The following MICU1 variants were observed in gnomAD, a reference collection of about 807,000 sequenced individuals.
The protein encoded by MICU1 is mitochondrial calcium uptake 1, also known as calcium uptake protein 1, mitochondrial.
A neutral mutation model predicts 56.8 loss-of-function variants in MICU1; 45 were observed. The ratio of observed to expected loss-of-function variants is 0.79; its 90% CI spans 0.62 to 1.02. MICU1 has a LOEUF of 1.02. Ranked by LOEUF, MICU1 falls within the 50% of genes least tolerant of loss-of-function variation. The probability of loss-of-function intolerance (pLI) is 0.00; values close to 1 mark genes in which losing one functional copy is unlikely to be tolerated. For synonymous variants in MICU1, 186 were observed against 195.1 expected (o/e 0.95, Z 0.39); for missense variants, 504 against 587.1 (o/e 0.86, Z 1.46).
At chr10:72,536,735 A>G (rs1311422176) in intron 4 of MICU1, among the ~76,000 whole-genome samples, 1 of 152,252 alleles carries the variant, frequency 6.6e-6, no homozygotes, top group Non-Finnish European at 1.5e-5. Flanking sequence ...ATATCCAAAT[A>G]GTATCATTTT....
At chr10:72,489,753 C>T (rs1866592960) in intron 6 of MICU1, among the ~76,000 whole-genome samples, 1 of 152,124 alleles carries the variant, frequency 6.6e-6, no homozygotes, top group Admixed American at 6.5e-5. Context: ...AATGTGAAAT[C>T]CTCAACAACA....
chr10:72,503,943 T>C (rs1424504527), intron 6 of MICU1, among the ~76,000 whole-genome samples: 1 of 151,662 alleles, frequency 6.6e-6, no homozygotes, highest in Non-Finnish European at 1.5e-5. Context: ...GAAAGATCTC[T>C]ACAAGGAGAA....
At chr10:72,500,261 CATAT>C (rs869065639) in intron 6 of MICU1, among the ~76,000 whole-genome samples, 380 of 28,634 alleles carry the variant, frequency 0.013, 1 homozygote, top group South Asian at 0.02. Context: ...TACATACATA[CATAT>C]ATATATATAT....
intron 10 of MICU1, among the ~76,000 whole-genome samples, chr10:72,378,431 CCT>C (rs1177796438): frequency 6.6e-6 from 1 of 152,090 alleles, no homozygotes; most frequent in Non-Finnish European, 1.5e-5. Context: ...GCACCTCCCA[CCT>C]CTCTCTCTTC....
chr10:72,500,694 T>C (rs186052708), intron 6 of MICU1, among the ~76,000 whole-genome samples: 155 of 152,288 alleles, frequency 1.0e-3, no homozygotes, highest in Admixed American at 3.5e-3. Context: ...ACAGGGTTAA[T>C]AACTTTAGAT....
intron 4 of MICU1, among the ~76,000 whole-genome samples, chr10:72,537,437 T>A (rs971095879): frequency 2.6e-5 from 4 of 152,242 alleles, no homozygotes; most frequent in Admixed American, 6.5e-5. Flanking sequence ...GACTTCCATA[T>A]GACATTTCCC....
chr10:72,561,412 T>TC (rs1273996863), intron 3 of MICU1, among the ~76,000 whole-genome samples: 2 of 152,228 alleles, frequency 1.3e-5, no homozygotes, highest in African/African-American at 4.8e-5. Context: ...AATAAATGTA[T>TC]CCTGACAGAA....
chr10:72,476,292 G>A (rs1417891250), intron 7 of MICU1, among the ~76,000 whole-genome samples: 1 of 149,374 alleles, frequency 6.7e-6, no homozygotes, highest in African/African-American at 2.5e-5. Flanking sequence ...GCAATGGCAC[G>A]ATCATAGCTC....
intron 3 of MICU1, among the ~76,000 whole-genome samples, chr10:72,559,945 G>T (rs879839255): frequency 6.6e-6 from 1 of 152,140 alleles, no homozygotes. Flanking sequence ...GGTTGTGTGC[G>T]TTATGAGAAT....
At chr10:72,446,424 G>A (rs772820469) in intron 8 of MICU1, among the ~76,000 whole-genome samples, 24 of 151,384 alleles carry the variant, frequency 1.6e-4, no homozygotes, top group Admixed American at 7.9e-4. Flanking sequence ...TCCACCTCTC[G>A]GGTTCCAGTG....
chr10:72,576,944 C>T (rs574046000), intron 1 of MICU1, among the ~76,000 whole-genome samples: 3 of 152,308 alleles, frequency 2.0e-5, no homozygotes, highest in African/African-American at 7.2e-5. Flanking sequence ...AAATGCCCAT[C>T]AACCAACAAG....
chr10:72,565,624 A>C (rs1322471276), intron 2 of MICU1, among the ~76,000 whole-genome samples: 1 of 132,528 alleles, frequency 7.5e-6, no homozygotes, highest in Admixed American at 7.6e-5. Context: ...ATGTACCCTA[A>C]AACTTAAAGT....
intron 10 of MICU1, among the ~76,000 whole-genome samples, chr10:72,394,757 G>A (rs1036212447): frequency 2.6e-5 from 4 of 152,192 alleles, no homozygotes; most frequent in African/African-American, 9.7e-5. Flanking sequence ...GATCCTGTGA[G>A]ACCAGGAGCT....
At chr10:72,595,128 G>C (rs1841340312) in intron 1 of MICU1, among the ~76,000 whole-genome samples, 1 of 151,854 alleles carries the variant, frequency 6.6e-6, no homozygotes, top group African/African-American at 2.4e-5. Context: ...TAGAGACCTA[G>C]TGGGAGAAAT....
chr10:72,540,384 TGGCATG>T (rs1323275478), intron 4 of MICU1, among the ~76,000 whole-genome samples: 1 of 150,942 alleles, frequency 6.6e-6, no homozygotes, highest in East Asian at 1.9e-4. Context: ...AAAAAAAAAC[TGGCATG>T]GAGCCAGATG....
intron 11 of MICU1, among the ~76,000 whole-genome samples, chr10:72,369,986 C>CT (rs1862276568): frequency 4.3e-3 from 1 of 234 alleles, no homozygotes; most frequent in Non-Finnish European, 7.0e-3. Flanking sequence ...TCATGCCATT[C>CT]TCTGCTCAGC....
At chr10:72,401,437 T>C (rs1259528710) in intron 10 of MICU1, among the ~76,000 whole-genome samples, 3 of 152,166 alleles carry the variant, frequency 2.0e-5, no homozygotes, top group South Asian at 2.1e-4. Context: ...GCAGATCACT[T>C]GAGGTCAGGA....
Position 72,577,155 on chromosome 10 carries a change from T to C in MICU1, c.-1-10361A>G, listed in dbSNP as rs527633781. Among the ~76,000 whole-genome samples, 3 of 151,730 alleles carry C rather than the reference T, an allele frequency of 2.0e-5. No individual in the cohort carries two copies. The South Asian group carries it at 6.3e-4, about 32-fold the overall frequency. Reference sequence around the variant, plus strand: ...CTATGAGGGCACAAAGGCATAATAATGATATAATGGACTCTGGGGGCTCTG... The same window carrying C: ...CTATGAGGGCACAAAGGCATAATAACGATATAATGGACTCTGGGGGCTCTG... On this transcript the variant is annotated intron_variant, in intron 1 of 11. Coordinates refer to ENST00000361114, the MANE Select transcript of MICU1 (RefSeq NM_001195518.2).
intron 4 of MICU1, among the ~76,000 whole-genome samples, chr10:72,537,054 T>A (rs904744828): frequency 6.6e-6 from 1 of 152,168 alleles, no homozygotes; most frequent in African/African-American, 2.4e-5. Flanking sequence ...CTTCATTATA[T>A]TAAAAAAATG....
Sources: gnomAD v4.1 joint callset for allele counts (sites outside exome capture counted in the v4.1 genomes callset) on GRCh38, gnomAD v4.1.1 for gene constraint, MANE v1.5 for transcripts, NCBI Gene and HGNC (gene_info 2026-07-23, HGNC 2026-07-21) for gene names.